Variants in DET1 observed in about 807,000 individuals in gnomAD.
DET1 encodes the protein DET1 homolog.
DET1 carries 22 observed loss-of-function variants against 43.7 expected under a neutral mutation model. That is an observed-to-expected ratio of 0.50 (90% CI 0.36 to 0.72). The LOEUF is 0.72. Among genes scored for constraint, DET1 ranks in the 30% least tolerant of loss-of-function variants. The probability of loss-of-function intolerance (pLI) is 0.00; values close to 1 mark genes in which losing one functional copy is unlikely to be tolerated. For synonymous variants in DET1, 315 were observed against 266.2 expected, an observed-to-expected ratio of 1.18 and a Z score of -1.79; for missense variants, 713 against 713.3, an observed-to-expected ratio of 1.00 and a Z score of 0.00.
chr15:88,523,730 C>T (rs1173278034), intron 3 of DET1, among the ~76,000 whole-genome samples: 3 of 152,260 alleles, frequency 2.0e-5, no homozygotes, highest in Non-Finnish European at 4.4e-5. Context: ...CAGAGTCTCG[C>T]TCACTCAGTG....
At chr15:88,506,955 T>G (rs2056148305) in intron 7 of DET1, among the ~76,000 whole-genome samples, 1 of 152,206 alleles carries the variant, frequency 6.6e-6, no homozygotes, top group South Asian at 2.1e-4. Flanking sequence ...TTCTCCAGAT[T>G]CTTGAGATCC....
At chr15:88,527,934 G>A (rs949529221) in intron 2 of DET1, 148 bp from the exon 3 acceptor site, 12 of 548,378 alleles carry the variant, frequency 2.2e-5, no homozygotes, top group East Asian at 6.6e-5. Context: ...CAAACACCTC[G>A]GCTTTACCAC....
chr15:88,516,756 T>C lies in DET1; in HGVS notation c.1463+26A>G. On this transcript the variant is annotated intron_variant, in intron 4 of 4. Transcript: ENST00000268148. This position sits in a 1 kb window ranked among gnomAD's most constrained non-coding sequence, Gnocchi z 4.4. ...AGGCCATCTTCAGCCCTTGAGCAGT[T>C]TGTAGCTATAGCAGTGACACTGTAC... 6.6e-7 allele frequency: 1 copy of C among 1,511,264 alleles called. No individual in the cohort carries two copies. Among genetic ancestry groups the C allele is most frequent in the Non-Finnish European group, 8.8e-7 (1 of 1,133,814 alleles). The allele number at this position is 1,511,264 out of a possible 1,614,324, so 93.6% of individuals were successfully genotyped here. A position where few individuals can be genotyped will look rare whatever the true frequency, so the allele number is the denominator to read the frequency against.
At chr15:88,519,027 G>A (rs960986023) in intron 3 of DET1, among the ~76,000 whole-genome samples, 4 of 152,010 alleles carry the variant, frequency 2.6e-5, no homozygotes, top group East Asian at 3.9e-4. Context: ...TGGGCACTTC[G>A]GTTTTCAGCA....
In DET1 at chr15:88,531,496, G is replaced by A; in HGVS notation, c.210C>T (p.Arg70=). 1 of 1,613,984 alleles carries A rather than the reference G, an allele frequency of 6.2e-7. No homozygotes were observed. The highest frequency in any genetic ancestry group is 8.5e-7 in the Non-Finnish European group (1 of 1,179,894). The change falls in exon 2 of 5, where the codon CGC becomes CGT. Residue 70 remains arginine, a synonymous_variant. Transcript: ENST00000268148. This position sits in a 1 kb window ranked among gnomAD's most constrained non-coding sequence, Gnocchi z 6.2. ...CFLRKFSPDG[R]YFIAFSSDQT... ...GGTCTGAAGAAAAAGCAATAAAGTA[G>A]CGTCCATCAGGTGAGAATTTACGCA...
chr15:88,526,824 G>A, intron 3 of DET1, among the ~76,000 whole-genome samples: 1 of 152,180 alleles, frequency 6.6e-6, no homozygotes, highest in East Asian at 1.9e-4. Flanking sequence ...TAGTCACTTG[G>A]CTATGTAGAC....
Position 88,531,893 on chromosome 15 carries a change from A to C in DET1, c.-10-178T>G. On this transcript the variant is annotated intron_variant, in intron 1 of 4. Coordinates refer to ENST00000268148, the MANE Select transcript of DET1 (RefSeq NM_001144074.3). The surrounding 1 kb of genome is among the most constrained non-coding windows in gnomAD (Gnocchi z 6.2). ...TGAGTAAGTGGTCCTAACATTTCTA[A>C]GTCTAGAAACAGGTCTAAGGGAAGG... 1.6e-6 allele frequency: 1 copy of C among 632,064 alleles called. No homozygotes were observed. The highest frequency in any genetic ancestry group is 2.7e-6 in the Non-Finnish European group (1 of 375,116). The allele number at this position is 632,064 out of a possible 1,614,324, so 39.2% of individuals were successfully genotyped here.
intron 3 of DET1, among the ~76,000 whole-genome samples, chr15:88,524,058 C>T (rs1400272227): frequency 2.7e-5 from 4 of 150,922 alleles, no homozygotes; most frequent in Middle Eastern, 3.4e-3. Flanking sequence ...GGCCGCCCAT[C>T]GTCTGAGATG....
intron 7 of DET1, among the ~76,000 whole-genome samples, chr15:88,507,370 G>A (rs2056152570): frequency 6.6e-6 from 1 of 151,956 alleles, no homozygotes; most frequent in Non-Finnish European, 1.5e-5. Flanking sequence ...CCCACTAACG[G>A]GTCTTTCCTC....
rs2142251799 is a variant in DET1 at position 88,512,801 on chromosome 15, C to T, written c.*150G>A. ...TAAAAATTCCATTAGGTTGAGCCAC[C>T]CTCACTCCTCTCTCTGGCTCTCTCC... On this transcript the variant is annotated 3_prime_UTR_variant, in exon 5 of 5. Transcript: ENST00000268148. 1.4e-6 allele frequency: 2 copies of T among 1,407,584 alleles called. No individual in the cohort carries two copies. Among genetic ancestry groups the T allele is most frequent in the Admixed American group, 3.0e-5 (1 of 33,756 alleles). The allele number at this position is 1,407,584 out of a possible 1,614,324, so 87.2% of individuals were successfully genotyped here. A position where few individuals can be genotyped will look rare whatever the true frequency, so the allele number is the denominator to read the frequency against.
downstream of DET1, among the ~76,000 whole-genome samples, chr15:88,508,185 T>G (rs1006068394): frequency 2.6e-4 from 40 of 152,232 alleles, no homozygotes; most frequent in Admixed American, 2.6e-3. Context: ...GCTGTATAAT[T>G]ATTTCATTAT....
chr15:88,509,795 T>A (rs987340171), downstream of DET1, among the ~76,000 whole-genome samples: 1 of 152,244 alleles, frequency 6.6e-6, no homozygotes, highest in Non-Finnish European at 1.5e-5. Context: ...AGTGGCCATA[T>A]GGTGAGGACC....
intron 1 of DET1, among the ~76,000 whole-genome samples, chr15:88,544,668 T>A (rs185557198): frequency 3.9e-5 from 6 of 152,154 alleles, no homozygotes; most frequent in African/African-American, 1.4e-4. Context: ...TGAAGGTGGA[T>A]GGCATTCCTG....
chr15:88,525,277 A>T (rs186800209), intron 3 of DET1, among the ~76,000 whole-genome samples: 31 of 152,298 alleles, frequency 2.0e-4, no homozygotes, highest in Admixed American at 1.8e-3. Flanking sequence ...ATTTAGTAGT[A>T]ACAGGAAAAA....
chr15:88,519,531 C>G (rs141796388), intron 3 of DET1, among the ~76,000 whole-genome samples: 24 of 152,272 alleles, frequency 1.6e-4, no homozygotes, highest in African/African-American at 5.5e-4. Context: ...CTCTATTCAT[C>G]CCAACTTCAG....
chr15:88,504,730 A>C lies in DET1; in HGVS notation c.*2066-743T>G, dbSNP rs541171579. The stretch of plus-strand genomic sequence containing the variant: ...CAGGTACCAGACAACCAGGGATAGC[A>C]CCTAGACCCCAGGGCCCATCAAAAT... On this transcript the variant is annotated intron_variant and NMD_transcript_variant, in intron 7 of 8. Transcript: ENST00000557842. This position sits in a 1 kb window ranked among gnomAD's most constrained non-coding sequence, Gnocchi z 4.7. The C allele has an allele frequency of 3.9e-5, 6 of 152,202 alleles. No homozygotes were observed. Among genetic ancestry groups the C allele is most frequent in the African/African-American group, 1.4e-4 (6 of 41,518 alleles). 9.4% of individuals were successfully genotyped at this position (152,202 alleles called of 1,614,324 possible).
At position 88,531,502 on chromosome 15, in the gene DET1, A is replaced by G. The variant is rs1220531036; in HGVS notation, c.204T>C (p.Asp68=). The change falls in exon 2 of 5, where the codon GAT becomes GAC. Residue 68 remains aspartate, a synonymous_variant. Coordinates refer to ENST00000268148, the MANE Select transcript of DET1 (RefSeq NM_001144074.3). The surrounding 1 kb of genome is among the most constrained non-coding windows in gnomAD (Gnocchi z 6.2). ...PPCFLRKFSP[D]GRYFIAFSSD... ...AAGAAAAAGCAATAAAGTAGCGTCCATCAGGTGAGAATTTACGCAAGAAAC... is the reference window on the plus strand; with the variant it reads ...AAGAAAAAGCAATAAAGTAGCGTCCGTCAGGTGAGAATTTACGCAAGAAAC... 1.2e-6 allele frequency: 2 copies of G among 1,614,062 alleles called. No individual in the cohort carries two copies. Among genetic ancestry groups the G allele is most frequent in the Admixed American group, 3.3e-5 (2 of 60,034 alleles).
chr15:88,506,952 G>C (rs1409279826), intron 7 of DET1, among the ~76,000 whole-genome samples: 1 of 152,170 alleles, frequency 6.6e-6, no homozygotes, highest in East Asian at 1.9e-4. Context: ...TGTTTCTCCA[G>C]ATTCTTGAGA....
intron 1 of DET1, among the ~76,000 whole-genome samples, chr15:88,540,608 A>T (rs2057082076): frequency 1.3e-5 from 2 of 151,794 alleles, no homozygotes; most frequent in South Asian, 4.2e-4. Context: ...AAAGAAGTAG[A>T]CATAGGAGAC....
Sources: allele counts gnomAD v4.1 joint callset (sites outside exome capture counted in the v4.1 genomes callset), GRCh38; gene constraint gnomAD v4.1.1; non-coding constraint Gnocchi (gnomAD v3.1); transcripts MANE v1.5; gene names NCBI Gene and HGNC (gene_info 2026-07-23, HGNC 2026-07-21).